Variants in DDX60L observed in about 807,000 individuals in gnomAD.
DDX60L encodes the protein probable ATP-dependent RNA helicase DDX60-like.
In DDX60L, 191 loss-of-function variants were observed where a neutral mutation model predicts 211.6. The ratio of observed to expected loss-of-function variants is 0.90; its 90% confidence interval spans 0.80 to 1.02. The LOEUF (loss-of-function observed/expected upper bound fraction) is 1.02. Among genes scored for constraint, DDX60L ranks in the 50% least tolerant of loss-of-function variants. The pLI is 0.00. For missense variants in DDX60L, 2,007 were observed against 1,984.1 expected, an observed-to-expected ratio of 1.01 and a Z score of -0.22; for synonymous variants, 706 against 694.1, an observed-to-expected ratio of 1.02 and a Z score of -0.27.
In DDX60L at chr4:168,400,960, C is replaced by T. The variant is rs1245293524; in HGVS notation, c.3357G>A (p.Val1119=). 1.2e-6 allele frequency: 2 copies of T among 1,613,490 alleles called. No individual in the cohort carries two copies. The highest frequency in any genetic ancestry group is 2.7e-5 in the African/African-American group (2 of 74,876). The part of the protein sequence containing the change: ...AIFFLFKNDD[V]GKRAGSVCTF... The stretch of plus-strand genomic sequence containing the variant: ...TGCACACACTTCCAGCTCTTTTTCC[C>T]ACATCATCATTCTTAAACCTTAAAA... The change falls in exon 26 of 38, where the codon GTG becomes GTA. Residue 1119 remains valine, a synonymous_variant. Coordinates refer to ENST00000682922, the MANE Select transcript of DDX60L (RefSeq NM_001012967.3).
At chr4:168,413,328 A>C (rs1749009877) in intron 22 of DDX60L, among the ~76,000 whole-genome samples, 1 of 152,176 alleles carries the variant, frequency 6.6e-6, no homozygotes, top group Non-Finnish European at 1.5e-5. Context: ...ACATTAAAAA[A>C]AGAAAACTAC....
At chr4:168,457,293 TAC>T (rs756649479) in intron 6 of DDX60L, among the ~76,000 whole-genome samples, 119 of 125,430 alleles carry the variant, frequency 9.5e-4, no homozygotes, top group African/African-American at 1.2e-3. Context: ...CACACACACA[TAC>T]ACACACACAC....
At position 168,433,085 on chromosome 4, in the gene DDX60L, C is replaced by G; in HGVS notation, c.1325G>C (p.Gly442Ala). 6.2e-7 allele frequency: 1 copy of G among 1,607,532 alleles called. No homozygotes were observed. The highest frequency in any genetic ancestry group is 8.5e-7 in the Non-Finnish European group (1 of 1,176,408). Reference sequence around the variant, plus strand: ...TACAGCAGATGTCATTGGAATAAAGCCCACACTAGGCATCTTTTCCAAGGA... The same window carrying G: ...TACAGCAGATGTCATTGGAATAAAGGCCACACTAGGCATCTTTTCCAAGGA... ...EISLEKMPSV[G>A]FIPMTSAVID... The change falls in exon 11 of 38, where the codon GGC becomes GCC. Residue 442 changes from glycine (G) to alanine (A), a missense_variant. Coordinates refer to ENST00000682922, the MANE Select transcript of DDX60L (RefSeq NM_001012967.3).
chr4:168,391,399 C>A, intron 29 of DDX60L, 141 bp downstream of exon 29: 3 of 598,270 alleles, frequency 5.0e-6, no homozygotes, highest in Non-Finnish European at 9.1e-6. Flanking sequence ...GATATGAGGC[C>A]ACTCAACTCA....
chr4:168,437,667 CA>C (rs1321122045), intron 10 of DDX60L, among the ~76,000 whole-genome samples: 5 of 152,156 alleles, frequency 3.3e-5, no homozygotes, highest in Admixed American at 3.3e-4. Context: ...ACTGACAGAA[CA>C]GAATCTTTGT....
chr4:168,455,368 GC>G (rs1489958791), intron 7 of DDX60L, among the ~76,000 whole-genome samples: 1 of 151,012 alleles, frequency 6.6e-6, no homozygotes, highest in Non-Finnish European at 1.5e-5. Context: ...TTCCTAAAGG[GC>G]CCTATAAGCT....
rs2150021651 is a variant in DDX60L, at chr4:168,445,425, T to G, written c.1138+3213A>C. ...CAAAAAGAGTCCAGGACCAGATGGATTCACAGCCAAATTCTACCAGAGATA... is the reference window on the plus strand; with the variant it reads ...CAAAAAGAGTCCAGGACCAGATGGAGTCACAGCCAAATTCTACCAGAGATA... On this transcript the variant is annotated intron_variant, in intron 9 of 37. Transcript: ENST00000682922. Among the ~76,000 whole-genome samples the G allele has an allele frequency of 5.3e-5, 8 of 151,652 alleles. No homozygotes were observed. The South Asian group carries it at 1.7e-3, about 32-fold the overall frequency.
At chr4:168,371,847 T>C (rs1741087383) in intron 35 of DDX60L, 84 bp from the exon 36 acceptor site, 4 of 1,307,666 alleles carry the variant, frequency 3.1e-6, no homozygotes, top group Non-Finnish European at 4.2e-6. Context: ...TGTATGAATC[T>C]GTTTCTTAAA....
intron 29 of DDX60L, among the ~76,000 whole-genome samples, chr4:168,385,260 T>C (rs1743662257): frequency 6.6e-6 from 1 of 152,160 alleles, no homozygotes; most frequent in Non-Finnish European, 1.5e-5. Flanking sequence ...TCTTCAGGCC[T>C]GTGTAGTGAA....
Position 168,423,602 on chromosome 4 carries a change from T to C in DDX60L, c.2097+6A>G, listed in dbSNP as rs748560168. On this transcript the variant is annotated splice_donor_region_variant and intron_variant, in intron 15 of 37. Coordinates refer to ENST00000682922, the MANE Select transcript of DDX60L (RefSeq NM_001012967.3). ...TTTAAAGTATAAGAAATTCTAGTTC[T>C]CTTACCAGAGTTGGATCCAAAGAGT... 4 of 1,550,564 alleles carry C rather than the reference T, an allele frequency of 2.6e-6. No individual in the cohort carries two copies. In the South Asian group the frequency reaches 4.9e-5, roughly 19 times the overall value.
At chr4:168,401,143 A>G (rs1746729159) in intron 25 of DDX60L, among the ~76,000 whole-genome samples, 165 bp from the exon 26 acceptor site, 1 of 152,226 alleles carries the variant, frequency 6.6e-6, no homozygotes, top group Non-Finnish European at 1.5e-5. Context: ...GATGGGAAGT[A>G]GGGGTTCAAC....
At position 168,420,254 on chromosome 4, in the gene DDX60L, G is replaced by A. The variant is rs1373200951; in HGVS notation, c.2514+7C>T. The A allele has an allele frequency of 6.4e-7, 1 of 1,574,118 alleles. No homozygotes were observed. Among genetic ancestry groups the A allele is most frequent in the Non-Finnish European group, 8.6e-7 (1 of 1,162,202 alleles). On this transcript the variant is annotated splice_region_variant and intron_variant, in intron 18 of 37. Transcript: ENST00000682922. ...TGATAATAAACTCATTAATTAATAT[G>A]TCATACCTGACAGTTTAGTACATTG...
chr4:168,463,379 A>C (rs13106885), intron 4 of DDX60L, among the ~76,000 whole-genome samples: 46,443 of 152,098 alleles, frequency 0.31, 8,900 homozygotes, highest in East Asian at 0.62. Context: ...GTGGGAGCTA[A>C]ATGATGAGAA....
intron 26 of DDX60L, among the ~76,000 whole-genome samples, chr4:168,398,228 C>G (rs139613168): frequency 1.3e-5 from 2 of 152,368 alleles, no homozygotes; most frequent in Non-Finnish European, 2.9e-5. Flanking sequence ...AGTGTCTGCT[C>G]CTGCTGCCTG....
At chr4:168,464,022 G>A (rs1757656996) in intron 4 of DDX60L, among the ~76,000 whole-genome samples, 1 of 152,152 alleles carries the variant, frequency 6.6e-6, no homozygotes, top group African/African-American at 2.4e-5. Flanking sequence ...TGATCCTAAA[G>A]TGCTTCCTAG....
intron 8 of DDX60L, among the ~76,000 whole-genome samples, chr4:168,449,628 ACATTAAAAC>A (rs1755394268): frequency 3.6e-5 from 2 of 55,966 alleles, no homozygotes; most frequent in African/African-American, 1.1e-4. Flanking sequence ...AAAAAAAAAA[ACATTAAAAC>A]AAAAAAAAAA....
chr4:168,475,646 T>C (rs1455806430), intron 1 of DDX60L, among the ~76,000 whole-genome samples: 2 of 121,200 alleles, frequency 1.7e-5, no homozygotes, highest in Admixed American at 1.9e-4. Context: ...ATTATTATCA[T>C]TTATAAAAAA....
At position 168,416,713 on chromosome 4, in the gene DDX60L, C is replaced by T. The variant is rs1174062959; in HGVS notation, c.2695G>A (p.Ala899Thr). The change falls in exon 20 of 38, where the codon GCT (alanine) becomes ACT (threonine). Residue 899 changes from alanine to threonine, a missense_variant. Transcript: ENST00000682922. ...IIRCPFLVLS[A>T]TINNPNLLTK... ...AGAAGATTTGGGTTATTTATGGTAG[C>T]TGAAAGAACCAAAAAGGGACATCGA... is the stretch of plus-strand genomic sequence containing the variant. 1 of 1,601,338 alleles carries T rather than the reference C, an allele frequency of 6.2e-7. No individual in the cohort carries two copies. The highest frequency in any genetic ancestry group is 1.7e-5 in the Admixed American group (1 of 57,362).
chr4:168,368,967 A>G (rs1490535666), intron 36 of DDX60L, among the ~76,000 whole-genome samples: 1 of 152,188 alleles, frequency 6.6e-6, no homozygotes, highest in East Asian at 1.9e-4. Context: ...ACAGGCTCAT[A>G]GATGGAATGG....
Sources: allele counts gnomAD v4.1 joint callset (sites outside exome capture counted in the v4.1 genomes callset), GRCh38; gene constraint gnomAD v4.1.1; transcripts MANE v1.5; gene names NCBI Gene and HGNC (gene_info 2026-07-23, HGNC 2026-07-21).